BACH2: variants seen among roughly 807,000 people sequenced by gnomAD.
BACH2 encodes BACH transcriptional regulator 2, also known as transcription regulator protein BACH2.
In BACH2, 5 loss-of-function variants were observed where a neutral mutation model predicts 61.8. The ratio of observed to expected loss-of-function variants is 0.08; its 90% CI spans 0.04 to 0.17. The LOEUF (loss-of-function observed/expected upper bound fraction) is 0.17, where lower values mean the gene tolerates loss of function less well. Ranked by LOEUF, BACH2 falls within the 10% of genes least tolerant of loss-of-function variation. The pLI, the probability that BACH2 is intolerant of heterozygous loss-of-function variation, is 1.00. For synonymous variants in BACH2, 446 were observed against 440.1 expected, an observed-to-expected ratio of 1.01 and a Z score of -0.17; for missense variants, 824 against 1,091.1, an observed-to-expected ratio of 0.76 and a Z score of 3.45.
rs529121126 is a variant in BACH2, at chr6:90,101,535, C to CT, written c.-161-12427dup. 8.6e-3 allele frequency among the ~76,000 whole-genome samples: 1,314 copies of CT among 152,278 alleles called. 10 individuals are homozygous for CT. Among genetic ancestry groups the CT allele is most frequent in the Non-Finnish European group, 0.014 (963 of 68,010 alleles). ...ATTGTTCTGGAACCCTTGTTGAAAA[C>CT]TTTGAGCATACGTGTACTGTATTCA... On this transcript the variant is annotated intron_variant, in intron 4 of 8. Transcript: ENST00000257749.
intron 4 of BACH2, among the ~76,000 whole-genome samples, chr6:90,104,203 T>C (rs1307453871): frequency 6.6e-6 from 1 of 152,208 alleles, no homozygotes; most frequent in African/African-American, 2.4e-5. Context: ...AAAGAGCAGT[T>C]TCTTTGTCCA....
At chr6:90,291,014 G>C (rs933633178) in intron 1 of BACH2, among the ~76,000 whole-genome samples, 1 of 152,148 alleles carries the variant, frequency 6.6e-6, no homozygotes, top group South Asian at 2.1e-4. Flanking sequence ...CCAAGCGCCG[G>C]CTCTCATCAC....
chr6:90,164,528 A>G (rs1394928779), intron 4 of BACH2, among the ~76,000 whole-genome samples: 1 of 152,036 alleles, frequency 6.6e-6, no homozygotes, highest in Non-Finnish European at 1.5e-5. Flanking sequence ...ATTCCAATCA[A>G]TAGAAAAAGA....
At chr6:89,981,520 G>A (rs186727617) in intron 6 of BACH2, among the ~76,000 whole-genome samples, 10 of 152,206 alleles carry the variant, frequency 6.6e-5, no homozygotes, top group African/African-American at 1.7e-4. Context: ...GACAAAAACT[G>A]CCAATCGATA....
At chr6:90,028,497 T>C (rs1778758094) in intron 5 of BACH2, among the ~76,000 whole-genome samples, 1 of 152,172 alleles carries the variant, frequency 6.6e-6, no homozygotes. Flanking sequence ...TCCTCTTTCA[T>C]CATGAGGGGC....
chr6:90,062,537 C>T (rs6923030), intron 5 of BACH2, among the ~76,000 whole-genome samples: 62,575 of 151,930 alleles, frequency 0.41, 14,668 homozygotes, highest in East Asian at 0.82. Context: ...CACAATGCCA[C>T]GTATTTAGCA....
intron 6 of BACH2, among the ~76,000 whole-genome samples, chr6:89,968,213 G>A (rs75113055): frequency 8.5e-4 from 130 of 152,354 alleles, no homozygotes; most frequent in African/African-American, 2.9e-3. Flanking sequence ...GGCAAAGGAG[G>A]TGGCAATTAA....
chr6:90,202,863 G>C (rs537680503), intron 4 of BACH2, among the ~76,000 whole-genome samples: 1 of 152,270 alleles, frequency 6.6e-6, no homozygotes, highest in South Asian at 2.1e-4. Flanking sequence ...ACAGTGGTCA[G>C]TATGCACTGA....
At chr6:90,061,817 C>T (rs747529758) in intron 5 of BACH2, among the ~76,000 whole-genome samples, 2 of 152,144 alleles carry the variant, frequency 1.3e-5, no homozygotes, top group African/African-American at 4.8e-5. Flanking sequence ...GAAGATGCGG[C>T]AACAAGGTGG....
At chr6:90,002,942 T>A (rs1777212180) in intron 6 of BACH2, among the ~76,000 whole-genome samples, 1 of 152,156 alleles carries the variant, frequency 6.6e-6, no homozygotes, top group Non-Finnish European at 1.5e-5. Context: ...CCACCTTGTA[T>A]CCAACATATA....
At chr6:90,004,110 A>G (rs1328679819) in intron 6 of BACH2, among the ~76,000 whole-genome samples, 1 of 152,196 alleles carries the variant, frequency 6.6e-6, no homozygotes, top group Non-Finnish European at 1.5e-5. Flanking sequence ...TATCCTCTAA[A>G]AACTTCCAGA....
At chr6:90,089,288 C>T (rs6454800) in intron 4 of BACH2, among the ~76,000 whole-genome samples, 179 bp from the exon 5 acceptor site, 9,556 of 151,894 alleles carry the variant, frequency 0.063, 979 homozygotes, top group African/African-American at 0.22. Context: ...CACCATAGCC[C>T]GTGGTAGAAA....
intron 4 of BACH2, among the ~76,000 whole-genome samples, chr6:90,103,108 C>A (rs1782749736): frequency 7.0e-6 from 1 of 142,224 alleles, no homozygotes; most frequent in South Asian, 2.3e-4. Context: ...CATTCAGAGA[C>A]CTACTTTGCA....
intron 4 of BACH2, among the ~76,000 whole-genome samples, chr6:90,205,112 A>G (rs1225739371): frequency 1.3e-5 from 2 of 152,196 alleles, no homozygotes; most frequent in Non-Finnish European, 2.9e-5. Flanking sequence ...CGTGCCCATG[A>G]GAAGGCTGAG....
At chr6:90,128,032 G>GC (rs199931763) in intron 4 of BACH2, among the ~76,000 whole-genome samples, 1,710 of 152,018 alleles carry the variant, frequency 0.011, 38 homozygotes, top group African/African-American at 0.039. Flanking sequence ...TTTCCCTTAT[G>GC]CCCCCCCATC....
chr6:90,255,838 C>T (rs756376976), intron 2 of BACH2, among the ~76,000 whole-genome samples: 3 of 152,168 alleles, frequency 2.0e-5, no homozygotes, highest in African/African-American at 4.8e-5. Flanking sequence ...AAGGGTCCAA[C>T]GTGAAGCAGG....
intron 3 of BACH2, among the ~76,000 whole-genome samples, chr6:90,213,767 A>G (rs1769434906): frequency 1.3e-5 from 2 of 152,182 alleles, no homozygotes; most frequent in South Asian, 4.1e-4. Flanking sequence ...CCTTACATAC[A>G]TACAGTAGGC....
At chr6:90,194,585 T>C (rs1265754584) in intron 4 of BACH2, among the ~76,000 whole-genome samples, 1 of 152,204 alleles carries the variant, frequency 6.6e-6, no homozygotes, top group East Asian at 1.9e-4. Context: ...CCAGCATTAT[T>C]CCAAATGGAG....
chr6:89,962,036 C>T (rs1406814765), intron 6 of BACH2, among the ~76,000 whole-genome samples: 1 of 152,174 alleles, frequency 6.6e-6, no homozygotes, highest in African/African-American at 2.4e-5. Context: ...ATAAAAACTA[C>T]TATTCAGTCA....
Sources: gnomAD v4.1 joint callset for allele counts (sites outside exome capture counted in the v4.1 genomes callset) on GRCh38, gnomAD v4.1.1 for gene constraint, MANE v1.5 for transcripts, NCBI Gene and HGNC (gene_info 2026-07-23, HGNC 2026-07-21) for gene names.